The following TACR3 variants were observed in gnomAD, a reference collection of about 807,000 sequenced individuals.
TACR3 encodes neuromedin-K receptor.
A neutral mutation model predicts 35.0 loss-of-function variants in TACR3; 34 were observed. The ratio of observed to expected loss-of-function variants is 0.97; its 90% CI spans 0.74 to 1.30. The LOEUF is 1.30. Among genes scored for constraint, TACR3 ranks in the 50% most tolerant of loss-of-function variants. The pLI, the probability that TACR3 is intolerant of heterozygous loss-of-function variation, is 0.00. For missense variants in TACR3, 558 were observed against 591.7 expected (o/e 0.94, Z 0.59); for synonymous variants, 233 against 221.1 (o/e 1.05, Z -0.48).
intron 3 of TACR3, among the ~76,000 whole-genome samples, chr4:103,635,745 T>C (rs760006494): frequency 1.3e-4 from 20 of 151,422 alleles, no homozygotes; most frequent in Non-Finnish European, 2.1e-4. Context: ...ATCTCAATCA[T>C]TGATGTCTAT....
intron 3 of TACR3, among the ~76,000 whole-genome samples, chr4:103,606,608 A>C (rs1191513206): frequency 6.6e-6 from 1 of 152,176 alleles, no homozygotes; most frequent in Non-Finnish European, 1.5e-5. Flanking sequence ...GAGTTCACTC[A>C]TGATTTGGCT....
intron 3 of TACR3, among the ~76,000 whole-genome samples, chr4:103,652,663 C>T (rs908706714): frequency 2.0e-5 from 3 of 151,982 alleles, no homozygotes; most frequent in African/African-American, 7.2e-5. Context: ...TGCTCCACCC[C>T]GTGTAGTCTC....
At chr4:103,709,817 C>T (rs1196705175) in intron 1 of TACR3, among the ~76,000 whole-genome samples, 2 of 150,556 alleles carry the variant, frequency 1.3e-5, no homozygotes, top group Non-Finnish European at 2.9e-5. Flanking sequence ...GGAAGATCTA[C>T]CAAGCAAATG....
chr4:103,654,481 G>A (rs1215258408), intron 3 of TACR3, among the ~76,000 whole-genome samples: 2 of 144,870 alleles, frequency 1.4e-5, no homozygotes, highest in African/African-American at 2.6e-5. Flanking sequence ...TCACTCATTG[G>A]TGGGAACTGA....
At chr4:103,619,972 C>A (rs1053728039) in intron 3 of TACR3, among the ~76,000 whole-genome samples, 5 of 151,800 alleles carry the variant, frequency 3.3e-5, no homozygotes, top group Non-Finnish European at 5.9e-5. Context: ...AGACAACCTA[C>A]AGAATGGAGG....
intron 3 of TACR3, among the ~76,000 whole-genome samples, chr4:103,622,463 GGCTCACGCCTGCAATCCCAGCAGTTT>G (rs1203034790): frequency 3.3e-5 from 5 of 152,186 alleles, no homozygotes; most frequent in African/African-American, 1.2e-4. Context: ...CAGGCACGGT[GGCTCACGCCTGCAATCCCAGCAGTTT>G]GGGAGGCTGA....
rs1395603794 is a variant in TACR3, at chr4:103,627,016, T to TA, written c.888+29177dup. ...AGCAAAACCCCATCTCTGTGAAAAA[T>TA]AAATAAAAAAAAAAAATTAGCTGGG... On this transcript the variant is annotated intron_variant, in intron 3 of 4. Coordinates refer to ENST00000304883, the MANE Select transcript of TACR3 (RefSeq NM_001059.3). Among the ~76,000 whole-genome samples, 366 of 140,242 alleles carry TA rather than the reference T, an allele frequency of 2.6e-3. 5 individuals are homozygous for TA. The highest frequency in any genetic ancestry group is 9.7e-3 in the African/African-American group (346 of 35,550). The allele number at this position is 140,242 out of a possible 152,430, so 92.0% of individuals were successfully genotyped here.
intron 1 of TACR3, among the ~76,000 whole-genome samples, chr4:103,708,518 T>C (rs1044856350): frequency 6.6e-6 from 1 of 151,962 alleles, no homozygotes; most frequent in African/African-American, 2.4e-5. Context: ...GTCACCATCA[T>C]CAAAGAGCAA....
intron 3 of TACR3, among the ~76,000 whole-genome samples, chr4:103,596,401 C>A (rs1724017615): frequency 6.6e-6 from 1 of 151,852 alleles, no homozygotes; most frequent in Non-Finnish European, 1.5e-5. Context: ...TCCACATCCT[C>A]TCCAGCACCT....
intron 1 of TACR3, among the ~76,000 whole-genome samples, chr4:103,708,202 C>T (rs954828613): frequency 1.3e-5 from 2 of 152,186 alleles, no homozygotes; most frequent in African/African-American, 4.8e-5. Context: ...CAGACTGCCT[C>T]CTTAAGTGGG....
intron 3 of TACR3, among the ~76,000 whole-genome samples, chr4:103,638,645 G>T (rs1185231643): frequency 2.0e-5 from 3 of 152,086 alleles, no homozygotes; most frequent in Admixed American, 1.3e-4. Context: ...CCATCAGAGT[G>T]AACAGACAAC....
chr4:103,684,216 G>T (rs1250725668), intron 1 of TACR3, among the ~76,000 whole-genome samples: 1 of 152,074 alleles, frequency 6.6e-6, no homozygotes, highest in Non-Finnish European at 1.5e-5. Context: ...TGCTAAAAGT[G>T]CAGTAAGTCA....
intron 1 of TACR3, among the ~76,000 whole-genome samples, chr4:103,677,053 G>A (rs191584038): frequency 3.9e-5 from 6 of 152,060 alleles, no homozygotes; most frequent in Admixed American, 2.6e-4. Flanking sequence ...GACAAAGGAC[G>A]AGAACAGACA....
chr4:103,595,408 C>T (rs1444177146), intron 3 of TACR3, among the ~76,000 whole-genome samples: 1 of 152,114 alleles, frequency 6.6e-6, no homozygotes, highest in Non-Finnish European at 1.5e-5. Context: ...GTAGCCCTTA[C>T]AAAGTTACAT....
intron 1 of TACR3, among the ~76,000 whole-genome samples, chr4:103,667,072 A>G (rs1725951009): frequency 6.6e-6 from 1 of 152,160 alleles, no homozygotes; most frequent in Non-Finnish European, 1.5e-5. Context: ...AGCCTGGCCA[A>G]CATGTTGAAA....
intron 3 of TACR3, among the ~76,000 whole-genome samples, chr4:103,629,394 T>G (rs189826807): frequency 7.6e-4 from 115 of 152,238 alleles, no homozygotes; most frequent in African/African-American, 2.7e-3. Flanking sequence ...GAAAACCCCA[T>G]TGTCTCAGCC....
At chr4:103,610,310 C>T (rs1323791503) in intron 3 of TACR3, among the ~76,000 whole-genome samples, 1 of 151,914 alleles carries the variant, frequency 6.6e-6, no homozygotes, top group Non-Finnish European at 1.5e-5. Flanking sequence ...TTCATAATAG[C>T]CATTCTAACT....
chr4:103,665,015 G>A (rs1292510173), intron 1 of TACR3, among the ~76,000 whole-genome samples: 7 of 150,544 alleles, frequency 4.6e-5, no homozygotes, highest in Middle Eastern at 3.4e-3. Context: ...GATTCACCAT[G>A]TTGTCCAGGC....
intron 3 of TACR3, among the ~76,000 whole-genome samples, chr4:103,636,605 A>G (rs953756631): frequency 5.9e-5 from 9 of 152,032 alleles, no homozygotes; most frequent in Non-Finnish European, 8.8e-5. Flanking sequence ...AACTGAAGGA[A>G]ATAGAGACAC....
Sources: allele counts gnomAD v4.1 joint callset (sites outside exome capture counted in the v4.1 genomes callset), GRCh38; gene constraint gnomAD v4.1.1; transcripts MANE v1.5; gene names NCBI Gene and HGNC (gene_info 2026-07-23, HGNC 2026-07-21).